The following BLTP1 variants were observed in gnomAD, a reference collection of about 807,000 sequenced individuals.
BLTP1 encodes the protein fragile site-associated protein.
At chr4:122,298,902 A>G in the BLTP1 span, 3 of 985,244 alleles carry the variant, frequency 3.0e-6, no homozygotes, top group Admixed American at 1.8e-4. Context: ...TTGTGGGAGT[A>G]TGAGGAAAAT....
At chr4:122,266,050 AAG>A in the BLTP1 span, among the ~76,000 whole-genome samples, 38 of 152,264 alleles carry the variant, frequency 2.5e-4, no homozygotes, top group African/African-American at 8.2e-4. Flanking sequence ...TGTGTAGTGA[AAG>A]AGGAGGCTGA....
chr4:122,307,197 C>T, the BLTP1 span, among the ~76,000 whole-genome samples: 1 of 152,062 alleles, frequency 6.6e-6, no homozygotes, highest in Non-Finnish European at 1.5e-5. Flanking sequence ...GTTTCATATA[C>T]ACCATATACA....
the BLTP1 span, chr4:122,175,930 T>C: frequency 2.6e-6 from 3 of 1,156,076 alleles, no homozygotes; most frequent in African/African-American, 4.6e-5. Flanking sequence ...TTTTCATTTT[T>C]TATGTGTTTA....
chr4:122,341,830 A>C, the BLTP1 span: 1 of 985,328 alleles, frequency 1.0e-6, no homozygotes, highest in East Asian at 1.1e-4. Context: ...ATAGCCCAGC[A>C]AACAAGTTTA....
the BLTP1 span, chr4:122,182,919 C>CTT: frequency 1.0e-6 from 1 of 984,354 alleles, no homozygotes; most frequent in Non-Finnish European, 1.2e-6. Context: ...AAAACCACCT[C>CTT]TTTCTTGAAA....
the BLTP1 span, chr4:122,187,392 G>C: frequency 6.2e-7 from 1 of 1,606,460 alleles, no homozygotes; most frequent in Admixed American, 1.7e-5. Context: ...AGGTATTTAA[G>C]GTTTTCTTAT....
the BLTP1 span, among the ~76,000 whole-genome samples, chr4:122,295,541 T>C: frequency 6.6e-6 from 1 of 152,124 alleles, no homozygotes; most frequent in Admixed American, 6.5e-5. Context: ...CCATTTCTAT[T>C]GAAACTATTC....
the BLTP1 span, chr4:122,187,593 A>G: frequency 7.2e-7 from 1 of 1,379,944 alleles, no homozygotes; most frequent in Non-Finnish European, 9.9e-7. Flanking sequence ...ATTTTAATGT[A>G]AGAAAATTAA....
At chr4:122,168,603 G>A in the BLTP1 span, among the ~76,000 whole-genome samples, 1,311 of 151,862 alleles carry the variant, frequency 8.6e-3, 13 homozygotes, top group South Asian at 0.051. Flanking sequence ...AAACTTAAGA[G>A]GGAAGAAAGA....
chr4:122,254,890 T>C, the BLTP1 span: 895 of 1,613,892 alleles, frequency 5.5e-4, 6 homozygotes, highest in African/African-American at 0.011. Context: ...TTTAAACAAA[T>C]TGGAAACTGA....
the BLTP1 span, chr4:122,190,075 G>A: frequency 1.2e-6 from 2 of 1,612,850 alleles, no homozygotes; most frequent in South Asian, 2.2e-5. Context: ...ACATGGATGA[G>A]CCAGGTATTG....
chr4:122,254,867 A>G, the BLTP1 span: 1 of 1,613,894 alleles, frequency 6.2e-7, no homozygotes, highest in Non-Finnish European at 8.5e-7. Flanking sequence ...CCCATTGACC[A>G]ACTCAAGTCA....
At chr4:122,227,587 CTA>C in the BLTP1 span, 3 of 454,278 alleles carry the variant, frequency 6.6e-6, no homozygotes, top group African/African-American at 4.3e-5. Context: ...TAGTTCGTTC[CTA>C]TATGTCTTTC....
chr4:122,258,207 A>G, the BLTP1 span, among the ~76,000 whole-genome samples: 1 of 152,208 alleles, frequency 6.6e-6, no homozygotes, highest in African/African-American at 2.4e-5. Flanking sequence ...GCATGTTATG[A>G]TGTTTTGAAA....
chr4:122,224,781 C>A, the BLTP1 span: 1 of 1,591,788 alleles, frequency 6.3e-7, no homozygotes, highest in Non-Finnish European at 8.6e-7. Flanking sequence ...CATTGCATTT[C>A]CACTGATGGC....
the BLTP1 span, chr4:122,185,910 T>G: frequency 1.4e-6 from 1 of 708,564 alleles, no homozygotes; most frequent in Non-Finnish European, 2.1e-6. Flanking sequence ...TTAATATGCT[T>G]CTCTGTATCA....
At chr4:122,206,596 A>C in the BLTP1 span, among the ~76,000 whole-genome samples, 1 of 151,902 alleles carries the variant, frequency 6.6e-6, no homozygotes, top group African/African-American at 2.4e-5. Flanking sequence ...ATAACACAAA[A>C]ATTTGGAAAG....
the BLTP1 span, chr4:122,170,580 C>T: frequency 6.9e-7 from 1 of 1,455,524 alleles, no homozygotes; most frequent in Non-Finnish European, 9.0e-7. Context: ...TTTTATAAAT[C>T]TCTGATTCTA....
chr4:122,215,659 T>C, the BLTP1 span: 1 of 654,848 alleles, frequency 1.5e-6, no homozygotes, highest in Non-Finnish European at 1.9e-6. Context: ...AGGGGAGAAC[T>C]ACTGCTTTGA....
Sources: gnomAD v4.1 joint callset for allele counts (sites outside exome capture counted in the v4.1 genomes callset) on GRCh38, gnomAD v4.1.1 for gene constraint, MANE v1.5 for transcripts, NCBI Gene and HGNC (gene_info 2026-07-23, HGNC 2026-07-21) for gene names.